Variants in SLC16A10 observed in about 807,000 individuals in gnomAD.
SLC16A10 encodes the protein solute carrier family 16 member 10.
Under a neutral mutation model 40.0 loss-of-function variants are expected in SLC16A10, and 27 were observed. The observed-to-expected ratio is 0.67, with a 90% CI of 0.50 to 0.93. SLC16A10 has a LOEUF of 0.93. Ranked by LOEUF, SLC16A10 falls within the 40% of genes least tolerant of loss-of-function variation. The pLI is 0.00. For synonymous variants in SLC16A10, 213 were observed against 249.8 expected, an observed-to-expected ratio of 0.85 and a Z score of 1.39; for missense variants, 529 against 658.2, an observed-to-expected ratio of 0.80 and a Z score of 2.15.
At chr6:111,220,639 C>T (rs185344898) in intron 5 of SLC16A10, among the ~76,000 whole-genome samples, 46 of 152,342 alleles carry the variant, frequency 3.0e-4, no homozygotes, top group East Asian at 7.7e-4. Context: ...GGAGAACCCT[C>T]CATTCCTTCT....
At chr6:111,186,873 A>G (rs143292130) in intron 3 of SLC16A10, among the ~76,000 whole-genome samples, 4 of 152,250 alleles carry the variant, frequency 2.6e-5, no homozygotes, top group African/African-American at 4.8e-5. Context: ...CCCTCATAAC[A>G]TATTGTAAAA....
intron 3 of SLC16A10, among the ~76,000 whole-genome samples, chr6:111,205,403 A>G (rs1001680652): frequency 6.6e-5 from 10 of 152,170 alleles, no homozygotes; most frequent in African/African-American, 2.4e-4. Flanking sequence ...TGGAAAGGTC[A>G]AACAAAATAT....
intron 3 of SLC16A10, among the ~76,000 whole-genome samples, chr6:111,180,954 C>T (rs548688772): frequency 6.6e-6 from 1 of 152,216 alleles, no homozygotes; most frequent in Admixed American, 6.5e-5. Flanking sequence ...GTGGCTCACC[C>T]CTGTAATCCC....
At chr6:111,096,312 T>C (rs1247697412) in intron 1 of SLC16A10, among the ~76,000 whole-genome samples, 1 of 152,228 alleles carries the variant, frequency 6.6e-6, no homozygotes, top group Non-Finnish European at 1.5e-5. Flanking sequence ...TATATTCAAA[T>C]TAAACAAGCA....
chr6:111,136,015 G>A (rs1217363743), intron 1 of SLC16A10, among the ~76,000 whole-genome samples: 2 of 152,140 alleles, frequency 1.3e-5, no homozygotes, highest in East Asian at 1.9e-4. Context: ...AACTAAGAAG[G>A]TTCCTTGGCA....
At chr6:111,141,861 TGTCA>T (rs1771988923) in intron 1 of SLC16A10, among the ~76,000 whole-genome samples, 1 of 152,230 alleles carries the variant, frequency 6.6e-6, no homozygotes, top group African/African-American at 2.4e-5. Context: ...AATGTCAAGA[TGTCA>T]GTCCTTTTCA....
At chr6:111,100,187 A>C (rs1215095818) in intron 1 of SLC16A10, among the ~76,000 whole-genome samples, 1 of 152,200 alleles carries the variant, frequency 6.6e-6, no homozygotes, top group Non-Finnish European at 1.5e-5. Context: ...GATTCTTTAT[A>C]AAACATGAGA....
chr6:111,134,162 G>A (rs1183934500), intron 1 of SLC16A10, among the ~76,000 whole-genome samples: 1 of 152,218 alleles, frequency 6.6e-6, no homozygotes, highest in African/African-American at 2.4e-5. Context: ...AGTTCCCAGT[G>A]TAGCTCCTCA....
chr6:111,182,564 A>G (rs544579907), intron 3 of SLC16A10, among the ~76,000 whole-genome samples: 4 of 152,142 alleles, frequency 2.6e-5, no homozygotes, highest in African/African-American at 9.6e-5. Context: ...GTATATGTCA[A>G]TGACTTCAAA....
intron 1 of SLC16A10, among the ~76,000 whole-genome samples, chr6:111,104,440 G>A (rs1771245111): frequency 6.6e-6 from 1 of 152,240 alleles, no homozygotes; most frequent in African/African-American, 2.4e-5. Flanking sequence ...AAACAGCATT[G>A]ATGCCTACAT....
intron 1 of SLC16A10, among the ~76,000 whole-genome samples, chr6:111,153,955 G>A (rs1340970766): frequency 6.6e-6 from 1 of 152,132 alleles, no homozygotes; most frequent in East Asian, 1.9e-4. Flanking sequence ...CACTACTGGG[G>A]GAAAAGAGGT....
intron 3 of SLC16A10, among the ~76,000 whole-genome samples, chr6:111,197,141 A>G (rs1169468090): frequency 6.6e-6 from 1 of 152,214 alleles, no homozygotes; most frequent in Non-Finnish European, 1.5e-5. Context: ...TGAGCCAGCA[A>G]TTAGATGGCT....
chr6:111,163,153 T>G (rs1057012486), intron 1 of SLC16A10, among the ~76,000 whole-genome samples: 3 of 138,894 alleles, frequency 2.2e-5, no homozygotes, highest in Non-Finnish European at 4.7e-5. Flanking sequence ...ATAATTTTTT[T>G]TTTTTTTTTT....
chr6:111,166,290 C>G (rs56281597), intron 1 of SLC16A10, among the ~76,000 whole-genome samples: 321 of 124,470 alleles, frequency 2.6e-3, no homozygotes, highest in Admixed American at 5.4e-3. Context: ...TTCTGGGTTC[C>G]CTTCCCAGTT....
chr6:111,121,044 TATTC>T (rs1298650520), intron 1 of SLC16A10, among the ~76,000 whole-genome samples: 3 of 152,252 alleles, frequency 2.0e-5, no homozygotes, highest in Non-Finnish European at 4.4e-5. Flanking sequence ...ATTTCTGTTT[TATTC>T]ATTCATTCAA....
chr6:111,184,798 C>T (rs901132272), intron 3 of SLC16A10, among the ~76,000 whole-genome samples: 5 of 152,100 alleles, frequency 3.3e-5, no homozygotes, highest in African/African-American at 1.2e-4. Flanking sequence ...TATTTTTAAA[C>T]CAGAAATGAA....
intron 1 of SLC16A10, among the ~76,000 whole-genome samples, chr6:111,091,737 T>C (rs1018522704): frequency 2.4e-4 from 37 of 152,202 alleles, no homozygotes; most frequent in African/African-American, 8.4e-4. Flanking sequence ...CAATGGATAA[T>C]CTACCCAAAA....
intron 3 of SLC16A10, among the ~76,000 whole-genome samples, chr6:111,197,725 GC>G (rs1423223285): frequency 2.0e-5 from 3 of 152,140 alleles, no homozygotes; most frequent in Admixed American, 2.0e-4. Flanking sequence ...GTCTCGGGGA[GC>G]TTTTACTCAT....
At chr6:111,116,703 G>T (rs931529058) in intron 1 of SLC16A10, among the ~76,000 whole-genome samples, 1 of 152,206 alleles carries the variant, frequency 6.6e-6, no homozygotes. Context: ...GCTTGCATGT[G>T]AGGAGAGATC....
Sources: allele counts gnomAD v4.1 joint callset (sites outside exome capture counted in the v4.1 genomes callset), GRCh38; gene constraint gnomAD v4.1.1; transcripts MANE v1.5; gene names NCBI Gene and HGNC (gene_info 2026-07-23, HGNC 2026-07-21).